BBX: variants seen among roughly 807,000 people sequenced by gnomAD.
The protein encoded by BBX is HMG box transcription factor BBX.
In BBX, 30 loss-of-function variants were observed where a neutral mutation model predicts 100.2. That is an observed-to-expected ratio of 0.30 (90% confidence interval 0.22 to 0.41). BBX has a LOEUF of 0.41. Ranked by LOEUF, BBX falls within the 10% of genes least tolerant of loss-of-function variation. BBX has a pLI of 1.00. For missense variants in BBX, 1,023 were observed against 1,129.8 expected, an observed-to-expected ratio of 0.91 and a Z score of 1.35; for synonymous variants, 376 against 388.1, an observed-to-expected ratio of 0.97 and a Z score of 0.37.
chr3:107,569,265 G>C (rs2051163294), intron 2 of BBX, among the ~76,000 whole-genome samples: 1 of 152,156 alleles, frequency 6.6e-6, no homozygotes, highest in African/African-American at 2.4e-5. Flanking sequence ...ACAAGAGTGA[G>C]TCTTTGATCA....
chr3:107,763,946 C>T (rs9288853), intron 10 of BBX, among the ~76,000 whole-genome samples: 120,407 of 152,082 alleles, frequency 0.79, 47,861 homozygotes, highest in East Asian at 0.94. Flanking sequence ...ATTGCTGGGC[C>T]GGACCAAGCA....
At chr3:107,584,999 C>A (rs1478878209) in intron 2 of BBX, among the ~76,000 whole-genome samples, 1 of 152,004 alleles carries the variant, frequency 6.6e-6, no homozygotes, top group East Asian at 1.9e-4. Context: ...TTAATAATTA[C>A]TGGCCTTTGA....
In BBX at chr3:107,707,862, A is replaced by G. The variant is rs374561651; in HGVS notation, c.-9-2590A>G. On this transcript the variant is annotated intron_variant, in intron 3 of 17. Coordinates refer to ENST00000325805, the MANE Select transcript of BBX (RefSeq NM_001142568.3). ...TCCACACATATATATACATTCACACATAGTTAAATAATAATTTAATTCAAA... is the reference window on the plus strand; with the variant it reads ...TCCACACATATATATACATTCACACGTAGTTAAATAATAATTTAATTCAAA... Among the ~76,000 whole-genome samples the G allele has an allele frequency of 1.8e-4, 28 of 152,326 alleles. No homozygotes were observed. The East Asian group carries it at 4.2e-3, about 23-fold the overall frequency.
Position 107,629,594 on chromosome 3 carries a change from CT to C in BBX, c.-83-16240del, listed in dbSNP as rs568033792. On this transcript the variant is annotated intron_variant, in intron 2 of 17. Transcript: ENST00000325805. ...GGCCATGGGATATGTTTTTTTTTTC[CT>C]TCTACAAACACATCATTCAGTGCCA... is the stretch of plus-strand genomic sequence containing the variant. Among the ~76,000 whole-genome samples the C allele has an allele frequency of 2.1e-3, 318 of 151,346 alleles. 2 individuals are homozygous for C. The highest frequency in any genetic ancestry group is 7.3e-3 in the African/African-American group (301 of 41,334).
chr3:107,651,822 G>A (rs2057856123), intron 3 of BBX, among the ~76,000 whole-genome samples: 2 of 152,050 alleles, frequency 1.3e-5, no homozygotes, highest in Non-Finnish European at 2.9e-5. Context: ...ATTAGGTAAT[G>A]GATGCTTGAA....
Position 107,578,258 on chromosome 3 carries a change from T to TC in BBX, c.-84+51860_-84+51861insC, listed in dbSNP as rs1424378837. Among the ~76,000 whole-genome samples, 3 of 152,154 alleles carry TC rather than the reference T, an allele frequency of 2.0e-5. No homozygotes were observed. The East Asian group carries it at 5.8e-4, about 29-fold the overall frequency. Reference sequence around the variant, plus strand: ...TTCACTGCACTGTAAGAGGGAGACATGGGGGGAGTAGTCAGGAAGCATGTA... The same window carrying TC: ...TTCACTGCACTGTAAGAGGGAGACATCGGGGGGAGTAGTCAGGAAGCATGTA... On this transcript the variant is annotated intron_variant, in intron 2 of 17. Transcript: ENST00000325805.
chr3:107,610,863 T>C (rs1360128646), intron 2 of BBX, among the ~76,000 whole-genome samples: 2 of 152,034 alleles, frequency 1.3e-5, no homozygotes, highest in Admixed American at 6.5e-5. Flanking sequence ...CATGTTATTA[T>C]TGATAAGTTA....
At chr3:107,578,333 A>C (rs1219910056) in intron 2 of BBX, among the ~76,000 whole-genome samples, 1 of 152,194 alleles carries the variant, frequency 6.6e-6, no homozygotes, top group Non-Finnish European at 1.5e-5. Flanking sequence ...CTACAGACGG[A>C]AAGCAACTTG....
chr3:107,616,484 G>C (rs565884253), intron 2 of BBX, among the ~76,000 whole-genome samples: 1 of 152,110 alleles, frequency 6.6e-6, no homozygotes, highest in African/African-American at 2.4e-5. Context: ...GAATGGCTGT[G>C]TTTTCATTCC....
Position 107,732,951 on chromosome 3 carries a change from T to A in BBX, c.602-5T>A. On this transcript the variant is annotated splice_region_variant and splice_polypyrimidine_tract_variant and intron_variant, in intron 6 of 17. Transcript: ENST00000325805. ...AAGTTGGTGATTTGTTTTTGACTTA[T>A]TTAGATCCTACTCAAATGGGAGGCC... 6.2e-7 allele frequency: 1 copy of A among 1,612,300 alleles called. No homozygotes were observed. The highest frequency in any genetic ancestry group is 8.5e-7 in the Non-Finnish European group (1 of 1,179,026).
At chr3:107,729,056 A>G in intron 6 of BBX, 96 bp downstream of exon 6, 2 of 1,252,914 alleles carry the variant, frequency 1.6e-6, no homozygotes, top group Non-Finnish European at 2.2e-6. Flanking sequence ...GACAAAATTT[A>G]TAACCAATAT....
chr3:107,591,697 A>G (rs570986795), intron 2 of BBX, among the ~76,000 whole-genome samples: 76 of 152,272 alleles, frequency 5.0e-4, no homozygotes, highest in African/African-American at 1.8e-3. Context: ...TTTGTTGCCT[A>G]GGCGGGTCTT....
At chr3:107,769,861 G>T (rs1053802401) in intron 10 of BBX, among the ~76,000 whole-genome samples, 3 of 152,166 alleles carry the variant, frequency 2.0e-5, no homozygotes, top group Admixed American at 6.5e-5. Flanking sequence ...AAAACCTCTA[G>T]AGTGACGCCC....
chr3:107,721,525 A>G (rs892562417), intron 5 of BBX, among the ~76,000 whole-genome samples: 12 of 151,988 alleles, frequency 7.9e-5, no homozygotes, highest in African/African-American at 2.2e-4. Context: ...GAATATAGAT[A>G]GTAAACCTAA....
chr3:107,545,959 G>A (rs1195623372), intron 2 of BBX, among the ~76,000 whole-genome samples: 2 of 152,212 alleles, frequency 1.3e-5, no homozygotes, highest in Non-Finnish European at 2.9e-5. Context: ...CTAAAATGTT[G>A]CTGGTTTGTA....
chr3:107,606,055 T>C (rs1310098784), intron 2 of BBX, among the ~76,000 whole-genome samples: 1 of 152,224 alleles, frequency 6.6e-6, no homozygotes, highest in African/African-American at 2.4e-5. Flanking sequence ...CTCTTGACTT[T>C]TAGGAAAATA....
intron 3 of BBX, among the ~76,000 whole-genome samples, chr3:107,668,539 T>C (rs1023418592): frequency 6.6e-6 from 1 of 152,216 alleles, no homozygotes; most frequent in African/African-American, 2.4e-5. Context: ...AGTAACCAGC[T>C]ACCTGCTAAG....
intron 7 of BBX, among the ~76,000 whole-genome samples, chr3:107,733,578 G>A (rs1195882573): frequency 6.6e-6 from 1 of 152,074 alleles, no homozygotes; most frequent in African/African-American, 2.4e-5. Context: ...CCAGGCTCAG[G>A]TGATTCTCTC....
chr3:107,789,732 A>AT, intron 13 of BBX, 55 bp from the exon 14 acceptor site: 4 of 1,248,792 alleles, frequency 3.2e-6, no homozygotes, highest in Non-Finnish European at 3.3e-6. Context: ...AATACACAAT[A>AT]TTTTTTATGA....
Sources: gnomAD v4.1 joint callset for allele counts (sites outside exome capture counted in the v4.1 genomes callset) on GRCh38, gnomAD v4.1.1 for gene constraint, MANE v1.5 for transcripts, NCBI Gene and HGNC (gene_info 2026-07-23, HGNC 2026-07-21) for gene names.